The following GRK5 variants were observed in gnomAD, a reference collection of about 807,000 sequenced individuals.
GRK5 encodes g protein-coupled receptor kinase GRK5.
In GRK5, 40 loss-of-function variants were observed where a neutral mutation model predicts 78.4. The ratio of observed to expected loss-of-function variants is 0.51; its 90% confidence interval spans 0.40 to 0.66. GRK5 has a LOEUF of 0.66. Among genes scored for constraint, GRK5 ranks in the 30% least tolerant of loss-of-function variants. The probability of loss-of-function intolerance (pLI) is 0.00; values close to 1 mark genes in which losing one functional copy is unlikely to be tolerated. For missense variants in GRK5, 598 were observed against 759.9 expected (o/e 0.79, Z 2.50); for synonymous variants, 289 against 296.8 (o/e 0.97, Z 0.27).
At chr10:119,420,133 T>G (rs1016386648) in intron 4 of GRK5, among the ~76,000 whole-genome samples, 1 of 152,180 alleles carries the variant, frequency 6.6e-6, no homozygotes, top group Admixed American at 6.5e-5. Context: ...GACCTCGGTT[T>G]CCTCATCTGC....
intron 1 of GRK5, among the ~76,000 whole-genome samples, chr10:119,279,305 C>T (rs971543957): frequency 6.6e-6 from 1 of 152,190 alleles, no homozygotes; most frequent in Non-Finnish European, 1.5e-5. Flanking sequence ...CAGTCATGTT[C>T]TGAGGTGCTG....
chr10:119,318,471 G>A (rs1284629798), intron 1 of GRK5, among the ~76,000 whole-genome samples: 1 of 152,112 alleles, frequency 6.6e-6, no homozygotes, highest in Non-Finnish European at 1.5e-5. Flanking sequence ...TGAACCTGTT[G>A]GGCTTAAAGG....
chr10:119,211,531 GC>G (rs1285541542), intron 1 of GRK5: 6 of 152,078 alleles, frequency 3.9e-5, no homozygotes, highest in Non-Finnish European at 7.4e-5. Context: ...ATTTTGCAAG[GC>G]CCCGCTTTTC....
intron 1 of GRK5, among the ~76,000 whole-genome samples, chr10:119,297,361 T>G (rs575232940): frequency 6.6e-6 from 1 of 152,326 alleles, no homozygotes; most frequent in Admixed American, 6.5e-5. Flanking sequence ...TCACCACCTC[T>G]GTTGTATGGG....
At chr10:119,354,806 G>T (rs1389104297) in intron 2 of GRK5, among the ~76,000 whole-genome samples, 3 of 152,238 alleles carry the variant, frequency 2.0e-5, no homozygotes, top group South Asian at 4.1e-4. Context: ...ACCAAACATG[G>T]ATTGAAAATA....
rs764881204 is a variant in GRK5, at chr10:119,271,391, G to A, written c.53-55125G>A. On this transcript the variant is annotated intron_variant, in intron 1 of 15. Coordinates refer to ENST00000392870, the MANE Select transcript of GRK5 (RefSeq NM_005308.3). The surrounding 1 kb of genome is among the most constrained non-coding windows in gnomAD (Gnocchi z 4.1). ...CATAGCCTTTTGCCTTCTATTGTTT[G>A]CTGTCCCAGAGACTGGCTGAAACAA... Among the ~76,000 whole-genome samples the A allele has an allele frequency of 2.0e-5, 3 of 152,224 alleles. No homozygotes were observed. Among genetic ancestry groups the A allele is most frequent in the Admixed American group, 6.5e-5 (1 of 15,278 alleles).
At chr10:119,390,263 AAG>A (rs1239039042) in intron 3 of GRK5, among the ~76,000 whole-genome samples, 1 of 137,300 alleles carries the variant, frequency 7.3e-6, no homozygotes. Flanking sequence ...TTACAAAAGA[AAG>A]AGGTTTAACG....
intron 2 of GRK5, among the ~76,000 whole-genome samples, chr10:119,340,959 T>C (rs1207076806): frequency 1.3e-5 from 2 of 152,184 alleles, no homozygotes; most frequent in Admixed American, 1.3e-4. Flanking sequence ...TGACCCTTTC[T>C]CGTAAAGCTG....
intron 1 of GRK5, among the ~76,000 whole-genome samples, chr10:119,226,947 C>T (rs1474616691): frequency 6.6e-6 from 1 of 152,118 alleles, no homozygotes; most frequent in Non-Finnish European, 1.5e-5. Flanking sequence ...CCACCTTGGC[C>T]TCCTGGGCTC....
At chr10:119,360,385 G>A (rs1274127221) in intron 2 of GRK5, among the ~76,000 whole-genome samples, 1 of 152,242 alleles carries the variant, frequency 6.6e-6, no homozygotes. Context: ...CGCTTAGTGG[G>A]TGGCTTCTCA....
intron 1 of GRK5, among the ~76,000 whole-genome samples, chr10:119,280,483 T>C (rs1166277791): frequency 6.6e-6 from 1 of 152,226 alleles, no homozygotes; most frequent in Non-Finnish European, 1.5e-5. Flanking sequence ...CTGATGGCTC[T>C]GGTCAGCTGT....
At chr10:119,286,317 G>T (rs1159093467) in intron 1 of GRK5, among the ~76,000 whole-genome samples, 1 of 152,248 alleles carries the variant, frequency 6.6e-6, no homozygotes, top group East Asian at 1.9e-4. Context: ...AGTGCTTTAA[G>T]TCCTTTGAAG....
At chr10:119,340,125 T>C (rs1446517713) in intron 2 of GRK5, among the ~76,000 whole-genome samples, 1 of 151,810 alleles carries the variant, frequency 6.6e-6, no homozygotes, top group African/African-American at 2.4e-5. Context: ...TGTTTGTTTG[T>C]TTTGTTTTGT....
chr10:119,293,805 G>A (rs576524641), intron 1 of GRK5, among the ~76,000 whole-genome samples: 195 of 152,304 alleles, frequency 1.3e-3, no homozygotes, highest in African/African-American at 4.4e-3. Flanking sequence ...GGTGGTACCC[G>A]AGTCTGGAGT....
At chr10:119,387,213 G>A (rs77110191) in intron 3 of GRK5, among the ~76,000 whole-genome samples, 16,762 of 152,036 alleles carry the variant, frequency 0.11, 1,194 homozygotes, top group East Asian at 0.23. Context: ...CATGTTGGCT[G>A]GTCTGGTCCT....
At chr10:119,255,015 G>A (rs1378163249) in intron 1 of GRK5, among the ~76,000 whole-genome samples, 2 of 149,170 alleles carry the variant, frequency 1.3e-5, no homozygotes, top group Non-Finnish European at 3.0e-5. Flanking sequence ...CTCCAGCCTG[G>A]GCGACAGAGC....
chr10:119,448,039 C>T (rs563015080), intron 12 of GRK5, 84 bp from the exon 13 acceptor site: 1 of 1,431,044 alleles, frequency 7.0e-7, no homozygotes, highest in East Asian at 2.7e-5. Flanking sequence ...GGTTCCTAGG[C>T]ATGGTGCAGA....
rs1363048760 is a variant in GRK5, at chr10:119,456,419, A to G, written c.*1352A>G. The G allele has an allele frequency of 2.0e-5, 3 of 152,268 alleles. No individual in the cohort carries two copies. The highest frequency in any genetic ancestry group is 4.4e-5 in the Non-Finnish European group (3 of 68,070). The allele number at this position is 152,268 out of a possible 1,614,324, so 9.4% of individuals were successfully genotyped here. ...CCAGGGGCCTCTGAAGGCAGCCCCCAGACCCTTGTAGCAGGGCTGTCCATC... is the reference window on the plus strand; with the variant it reads ...CCAGGGGCCTCTGAAGGCAGCCCCCGGACCCTTGTAGCAGGGCTGTCCATC... On this transcript the variant is annotated 3_prime_UTR_variant, in exon 16 of 16. Coordinates refer to ENST00000392870, the MANE Select transcript of GRK5 (RefSeq NM_005308.3). This position sits in a 1 kb window ranked among gnomAD's most constrained non-coding sequence, Gnocchi z 5.5.
chr10:119,435,784 G>A (rs563424000), intron 8 of GRK5, among the ~76,000 whole-genome samples: 1 of 152,100 alleles, frequency 6.6e-6, no homozygotes, highest in East Asian at 1.9e-4. Context: ...TCACTCTTCT[G>A]GTACCAATTT....
Sources: allele counts gnomAD v4.1 joint callset (sites outside exome capture counted in the v4.1 genomes callset), GRCh38; gene constraint gnomAD v4.1.1; non-coding constraint Gnocchi (gnomAD v3.1); transcripts MANE v1.5; gene names NCBI Gene and HGNC (gene_info 2026-07-23, HGNC 2026-07-21).